GDPD4: variants seen among roughly 807,000 people sequenced by gnomAD.
GDPD4 encodes the protein glycerophosphodiester phosphodiesterase 6.
A neutral mutation model predicts 67.8 loss-of-function variants in GDPD4; 60 were observed. That is an observed-to-expected ratio of 0.88 (90% CI 0.72 to 1.10). The LOEUF (loss-of-function observed/expected upper bound fraction) is 1.10, where lower values mean the gene tolerates loss of function less well. GDPD4 is among the 50% of genes least tolerant of loss of function. The probability of loss-of-function intolerance (pLI) is 0.00; values close to 1 mark genes in which losing one functional copy is unlikely to be tolerated. For synonymous variants in GDPD4, 212 were observed against 210.9 expected (o/e 1.00, Z -0.04); for missense variants, 623 against 613.9 (o/e 1.01, Z -0.16).
intron 13 of GDPD4, among the ~76,000 whole-genome samples, chr11:77,235,881 A>G (rs1036695143): frequency 6.6e-6 from 1 of 151,394 alleles, no homozygotes; most frequent in Non-Finnish European, 1.5e-5. Context: ...GCTTGAGCCT[A>G]GTAGTTTGAG....
chr11:77,253,879 G>A (rs890814614), intron 11 of GDPD4, among the ~76,000 whole-genome samples: 2 of 152,142 alleles, frequency 1.3e-5, no homozygotes, highest in Non-Finnish European at 2.9e-5. Flanking sequence ...CCCAGGAAAG[G>A]GCACACAGCT....
At position 77,246,615 on chromosome 11, in the gene GDPD4, G is replaced by A. The variant is rs75844764; in HGVS notation, c.865-1113C>T. Among the ~76,000 whole-genome samples the A allele has an allele frequency of 5.6e-4, 85 of 152,274 alleles. 2 individuals carry two copies. In the East Asian group the frequency reaches 0.013, roughly 23 times the overall value. ...ATTGCCCAAATTATAAAATAGAGGA[G>A]AGGAAGAATAACCTATATATTTCTT... On this transcript the variant is annotated intron_variant, in intron 11 of 16. Transcript: ENST00000315938.
At chr11:77,270,948 G>A in intron 7 of GDPD4, 182 bp downstream of exon 7, 1 of 544,508 alleles carries the variant, frequency 1.8e-6, no homozygotes, top group Non-Finnish European at 3.2e-6. Context: ...ACTATGACAG[G>A]CCATTGGCCA....
chr11:77,230,202 C>G (rs1958427040), intron 14 of GDPD4, among the ~76,000 whole-genome samples: 2 of 152,076 alleles, frequency 1.3e-5, no homozygotes, highest in South Asian at 4.2e-4. Context: ...TGACTGAGGG[C>G]TGCTGTAGTT....
At chr11:77,256,876 C>A (rs1383167318) in intron 11 of GDPD4, among the ~76,000 whole-genome samples, 2 of 152,280 alleles carry the variant, frequency 1.3e-5, no homozygotes, top group East Asian at 3.9e-4. Flanking sequence ...CATGTAGAAC[C>A]ATGAGTCAAA....
intron 1 of GDPD4, among the ~76,000 whole-genome samples, chr11:77,290,116 C>T (rs1466380904): frequency 6.6e-6 from 1 of 152,094 alleles, no homozygotes; most frequent in Non-Finnish European, 1.5e-5. Flanking sequence ...GTCAAACTGC[C>T]AAAAGCCAAA....
rs112481468 is a variant in GDPD4, at chr11:77,218,553, C to T, written c.1526-1239G>A. 8.7e-3 allele frequency among the ~76,000 whole-genome samples: 1,322 copies of T among 152,214 alleles called. 12 individuals are homozygous for T. The highest frequency in any genetic ancestry group is 0.03 in the African/African-American group (1,245 of 41,484). On this transcript the variant is annotated intron_variant, in intron 16 of 16. Transcript: ENST00000315938. ...ATCCCTCCCCCATACCCCCACCCCA[C>T]GACAGGCTGTGGTGTGTGATGTTCC...
chr11:77,241,702 T>C (rs2043942836), intron 13 of GDPD4, among the ~76,000 whole-genome samples: 1 of 149,694 alleles, frequency 6.7e-6, no homozygotes, highest in African/African-American at 2.5e-5. Context: ...CCCAACACTT[T>C]GGGATGCCGA....
chr11:77,267,003 C>A (rs1004422360), intron 10 of GDPD4, among the ~76,000 whole-genome samples: 1 of 152,206 alleles, frequency 6.6e-6, no homozygotes, highest in African/African-American at 2.4e-5. Flanking sequence ...TTACCACTCA[C>A]TCACTGACTC....
rs1958542673 is a variant in GDPD4, at chr11:77,235,395, TGA to T, written c.1242-2225_1242-2224del. 4.6e-5 allele frequency among the ~76,000 whole-genome samples: 7 copies of T among 151,950 alleles called. No homozygotes were observed. In the South Asian group the frequency reaches 1.5e-3, roughly 32 times the overall value. ...AAAACAATCTGAAAAAAAAATAGTG[TGA>T]GAGGGAATCACTCTATCTGATGTTA... is the stretch of plus-strand genomic sequence containing the variant. On this transcript the variant is annotated intron_variant, in intron 13 of 16. Transcript: ENST00000315938.
intron 1 of GDPD4, among the ~76,000 whole-genome samples, chr11:77,298,832 T>C: frequency 6.6e-6 from 1 of 150,702 alleles, no homozygotes; most frequent in East Asian, 1.9e-4. Flanking sequence ...GGGTAAAATA[T>C]TTTTTTCTTT....
chr11:77,292,823 A>C (rs1324190236), intron 1 of GDPD4, among the ~76,000 whole-genome samples: 1 of 152,190 alleles, frequency 6.6e-6, no homozygotes, highest in Non-Finnish European at 1.5e-5. Flanking sequence ...GTACAACTTC[A>C]TTCCCATAAA....
intron 11 of GDPD4, 108 bp from the exon 12 acceptor site, chr11:77,245,610 A>G (rs753904021): frequency 3.1e-5 from 21 of 677,780 alleles, no homozygotes; most frequent in Non-Finnish European, 5.1e-5. Context: ...TCAATCCATC[A>G]GGCCCTCTGA....
At chr11:77,268,407 G>T (rs766393105) in intron 10 of GDPD4, 50 bp downstream of exon 10, 14 of 1,271,282 alleles carry the variant, frequency 1.1e-5, no homozygotes, top group Middle Eastern at 1.9e-4. Context: ...CTCTTGCATG[G>T]CATTGAACTT....
intron 3 of GDPD4, among the ~76,000 whole-genome samples, chr11:77,279,777 C>T (rs1235096573): frequency 6.6e-6 from 1 of 151,858 alleles, no homozygotes; most frequent in Non-Finnish European, 1.5e-5. Context: ...GCTCCTTGTC[C>T]ACATGCATAT....
intron 7 of GDPD4, 60 bp from the exon 8 acceptor site, chr11:77,270,020 C>T (rs1033114063): frequency 4.9e-6 from 4 of 812,338 alleles, no homozygotes; most frequent in Middle Eastern, 2.6e-4. Flanking sequence ...AGCCCTTGCC[C>T]CAGAAATACT....
intron 16 of GDPD4, 74 bp from the exon 17 acceptor site, chr11:77,217,388 GTTATCTC>G (rs1332353283): frequency 3.3e-6 from 4 of 1,204,776 alleles, no homozygotes; most frequent in Non-Finnish European, 5.0e-6. Context: ...TGAAATTCAA[GTTATCTC>G]TTAAATGTTA....
intron 1 of GDPD4, among the ~76,000 whole-genome samples, chr11:77,293,448 A>G (rs1320858157): frequency 6.6e-6 from 1 of 151,956 alleles, no homozygotes; most frequent in Non-Finnish European, 1.5e-5. Context: ...TACAAAAATT[A>G]GCTGGGTGTG....
At chr11:77,286,850 AGAG>A (rs1423025298) in intron 2 of GDPD4, 2 of 152,388 alleles carry the variant, frequency 1.3e-5, no homozygotes, top group South Asian at 2.1e-4. Context: ...AGAAATTCAC[AGAG>A]GAGAGCAAAT....
Sources: allele counts gnomAD v4.1 joint callset (sites outside exome capture counted in the v4.1 genomes callset), GRCh38; gene constraint gnomAD v4.1.1; transcripts MANE v1.5; gene names NCBI Gene and HGNC (gene_info 2026-07-23, HGNC 2026-07-21).